Variants in EFEMP1 observed in about 807,000 individuals in gnomAD.
The protein encoded by EFEMP1 is EGF-like fibulin extracellular matrix protein 1.
In EFEMP1, 18 loss-of-function variants were observed where a neutral mutation model predicts 65.7. The observed-to-expected ratio is 0.27, with a 90% CI of 0.19 to 0.41. EFEMP1 has a LOEUF of 0.41. Ranked by LOEUF, EFEMP1 falls within the 10% of genes least tolerant of loss-of-function variation. The pLI is 1.00. For missense variants in EFEMP1, 469 were observed against 624.8 expected (o/e 0.75, Z 2.66); for synonymous variants, 237 against 219.7 (o/e 1.08, Z -0.70).
rs1668968058 is a variant in EFEMP1 at position 55,874,939 on chromosome 2, A to C, written c.1000+7T>G. 6.3e-7 allele frequency: 1 copy of C among 1,599,442 alleles called. No individual in the cohort carries two copies. The highest frequency in any genetic ancestry group is 1.7e-5 in the Admixed American group (1 of 59,416). On this transcript the variant is annotated splice_region_variant and intron_variant, in intron 9 of 11. Transcript: ENST00000355426. ...TACCTAACATATGAAAAAAAAAATA[A>C]ACTTACCTTGACATGTTCTACTTCT... is the stretch of plus-strand genomic sequence containing the variant.
intron 5 of EFEMP1, among the ~76,000 whole-genome samples, chr2:55,897,014 T>C (rs1208456696): frequency 1.3e-5 from 2 of 152,196 alleles, no homozygotes; most frequent in African/African-American, 4.8e-5. Flanking sequence ...GCCTGGAACA[T>C]TCTTTCTCCT....
intron 5 of EFEMP1, among the ~76,000 whole-genome samples, chr2:55,887,323 T>C (rs1322230551): frequency 6.6e-6 from 1 of 151,988 alleles, no homozygotes; most frequent in African/African-American, 2.4e-5. Flanking sequence ...GTGTTTTTAA[T>C]TTTTTTTAGC....
At chr2:55,892,831 C>T (rs1452801352) in intron 5 of EFEMP1, among the ~76,000 whole-genome samples, 2 of 151,916 alleles carry the variant, frequency 1.3e-5, no homozygotes, top group Non-Finnish European at 2.9e-5. Context: ...CATGAATAAA[C>T]GGATGAAAAA....
At chr2:55,876,494 A>G (rs951764732) in intron 8 of EFEMP1, 129 bp downstream of exon 8, 1 of 1,368,192 alleles carries the variant, frequency 7.3e-7, no homozygotes, top group African/African-American at 1.5e-5. Flanking sequence ...ACTGAACTAC[A>G]TTAACTGGAT....
In EFEMP1 at chr2:55,922,374, T is replaced by C; in HGVS notation, c.67A>G (p.Thr23Ala). 6.2e-7 allele frequency: 1 copy of C among 1,613,932 alleles called. No homozygotes were observed. Among genetic ancestry groups the C allele is most frequent in the Non-Finnish European group, 8.5e-7 (1 of 1,179,858 alleles). Residue 23 changes from threonine (T) to alanine (A), a missense_variant, in exon 3 of 12, where the codon ACC becomes GCC. This residue lies in a region of EFEMP1 where 66 missense variants were observed against 73.0 expected (regional missense o/e 0.90). Coordinates refer to ENST00000355426, the MANE Select transcript of EFEMP1 (RefSeq NM_001039348.3). The surrounding 1 kb of genome is among the most constrained non-coding windows in gnomAD (Gnocchi z 5.5). ...TCACCCCTTACCGTGTACGTGATGG[T>C]TTCTTCGGTGTCCTGTGACTTGACC... ...ALVKSQDTEE[T>A]ITYTQCTDGY...
At position 55,876,614 on chromosome 2, in the gene EFEMP1, G is replaced by C. The variant is rs769930393; in HGVS notation, c.880+9C>G. 23 of 1,611,824 alleles carry C rather than the reference G, an allele frequency of 1.4e-5. No homozygotes were observed. The highest frequency in any genetic ancestry group is 1.9e-5 in the Non-Finnish European group (22 of 1,178,556). ...GACTTTATTCCATACTATCTGGGAA[G>C]AGTTTTACCTTCACAGTTGAGCCTG... is the stretch of plus-strand genomic sequence containing the variant. On this transcript the variant is annotated intron_variant, in intron 8 of 11. Coordinates refer to ENST00000355426, the MANE Select transcript of EFEMP1 (RefSeq NM_001039348.3).
chr2:55,888,932 A>G (rs984676273), intron 5 of EFEMP1, among the ~76,000 whole-genome samples: 3 of 152,112 alleles, frequency 2.0e-5, no homozygotes, highest in Non-Finnish European at 2.9e-5. Flanking sequence ...GTTCCCGGCC[A>G]CTTGATCTCT....
chr2:55,900,286 A>G (rs927313757), intron 5 of EFEMP1, among the ~76,000 whole-genome samples: 1 of 152,172 alleles, frequency 6.6e-6, no homozygotes, highest in Non-Finnish European at 1.5e-5. Context: ...TTCACTGTAA[A>G]GGGAATCAGA....
At chr2:55,876,035 G>A (rs7563085) in intron 8 of EFEMP1, among the ~76,000 whole-genome samples, 19,131 of 151,720 alleles carry the variant, frequency 0.13, 1,598 homozygotes, top group African/African-American at 0.24. Flanking sequence ...ATTATATAAC[G>A]AAATGTGCAC....
rs1225173293 is a variant in EFEMP1 at position 55,873,054 on chromosome 2, C to G, written c.1000+1892G>C. 8.1e-6 allele frequency among the ~76,000 whole-genome samples: 1 copy of G among 123,854 alleles called. No individual in the cohort carries two copies. The highest frequency in any genetic ancestry group is 2.3e-4 in the East Asian group (1 of 4,296). The allele number at this position is 123,854 out of a possible 152,430, so 81.3% of individuals were successfully genotyped here. A position where few individuals can be genotyped will look rare whatever the true frequency, so the allele number is the denominator to read the frequency against. On this transcript the variant is annotated intron_variant, in intron 9 of 11. Coordinates refer to ENST00000355426, the MANE Select transcript of EFEMP1 (RefSeq NM_001039348.3). This position sits in a 1 kb window ranked among gnomAD's most constrained non-coding sequence, Gnocchi z 4.6. Reference sequence around the variant, plus strand: ...TGTGTATGTGTATTCTTTTGTCTCTCTGTCTCTCTCTCCACACACACACAC... The same window carrying G: ...TGTGTATGTGTATTCTTTTGTCTCTGTGTCTCTCTCTCCACACACACACAC...
At position 55,919,771 on chromosome 2, in the gene EFEMP1, AT is replaced by A. The variant is rs1220595310; in HGVS notation, c.82-1505del. ...TAAATTCACTTTGTCTCTCAGACTA[AT>A]TTTTTTCTTGTTTCCCAAACAGTGT... On this transcript the variant is annotated intron_variant, in intron 3 of 11. Transcript: ENST00000355426. This position sits in a 1 kb window ranked among gnomAD's most constrained non-coding sequence, Gnocchi z 4.5. Among the ~76,000 whole-genome samples, 1 of 152,098 alleles carries A rather than the reference AT, an allele frequency of 6.6e-6. No individual in the cohort carries two copies. The highest frequency in any genetic ancestry group is 1.9e-4 in the East Asian group (1 of 5,198).
At chr2:55,907,245 A>C (rs1009577413) in intron 5 of EFEMP1, among the ~76,000 whole-genome samples, 5 of 152,204 alleles carry the variant, frequency 3.3e-5, no homozygotes, top group Non-Finnish European at 7.3e-5. Context: ...ATGTGTGCAC[A>C]TGTTTGTACA....
In EFEMP1 at chr2:55,877,806, A is replaced by T; in HGVS notation, c.700T>A (p.Ser234Thr). The T allele has an allele frequency of 6.2e-7, 1 of 1,613,304 alleles. No homozygotes were observed. The highest frequency in any genetic ancestry group is 1.1e-5 in the South Asian group (1 of 91,070). Reference protein sequence around the residue: ...CHQRCVNTPGSFYCQCSPGFQ... With the variant: ...CHQRCVNTPGTFYCQCSPGFQ... Reference sequence around the variant, plus strand: ...CCAGGACTGCACTGGCAATAAAATGAGCCTGGTGTATTCACGCATCTTTGG... The same window carrying T: ...CCAGGACTGCACTGGCAATAAAATGTGCCTGGTGTATTCACGCATCTTTGG... Residue 234 changes from serine to threonine, a missense_variant, in exon 7 of 12, where the codon TCA becomes ACA. By Grantham distance (58) the Ser-to-Thr change is moderately conservative. Coordinates refer to ENST00000355426, the MANE Select transcript of EFEMP1 (RefSeq NM_001039348.3). The surrounding 1 kb of genome is among the most constrained non-coding windows in gnomAD (Gnocchi z 4.5).
intron 5 of EFEMP1, among the ~76,000 whole-genome samples, chr2:55,897,079 G>A (rs929124216): frequency 2.0e-5 from 3 of 152,152 alleles, no homozygotes; most frequent in African/African-American, 7.2e-5. Flanking sequence ...GAGGCCTGGT[G>A]TCACCTTCTC....
At chr2:55,916,063 A>T (rs1164206568) in intron 5 of EFEMP1, among the ~76,000 whole-genome samples, 1 of 152,130 alleles carries the variant, frequency 6.6e-6, no homozygotes, top group Non-Finnish European at 1.5e-5. Flanking sequence ...GCTTACAAAC[A>T]AAATATGAAA....
At position 55,885,545 on chromosome 2, in the gene EFEMP1, T is replaced by C. The variant is rs570284578; in HGVS notation, c.518-3811A>G. Reference sequence around the variant, plus strand: ...AAAATACCATAACACATTTCGTCATTCTAATACATTAACAATAGCTAATGG... The same window carrying C: ...AAAATACCATAACACATTTCGTCATCCTAATACATTAACAATAGCTAATGG... On this transcript the variant is annotated intron_variant, in intron 5 of 11. Coordinates refer to ENST00000355426, the MANE Select transcript of EFEMP1 (RefSeq NM_001039348.3). This position sits in a 1 kb window ranked among gnomAD's most constrained non-coding sequence, Gnocchi z 4.3. Among the ~76,000 whole-genome samples, 1 of 152,330 alleles carries C rather than the reference T, an allele frequency of 6.6e-6. No homozygotes were observed. Among genetic ancestry groups the C allele is most frequent in the East Asian group, 1.9e-4 (1 of 5,188 alleles).
intron 5 of EFEMP1, among the ~76,000 whole-genome samples, chr2:55,882,401 T>C (rs1414717281): frequency 6.6e-6 from 1 of 152,172 alleles, no homozygotes; most frequent in Admixed American, 6.5e-5. Flanking sequence ...TAAAAATCCA[T>C]ATTTTCTCAA....
At position 55,870,631 on chromosome 2, in the gene EFEMP1, ATG is replaced by A; in HGVS notation, c.1320+87_1320+88del. On this transcript the variant is annotated intron_variant, in intron 11 of 11. Transcript: ENST00000355426. The surrounding 1 kb of genome is among the most constrained non-coding windows in gnomAD (Gnocchi z 5.8). The stretch of plus-strand genomic sequence containing the variant: ...CTTTAAATGTTTGCTTTCCTTCCAC[ATG>A]TGGATACCACACAACAACAACAACA... 1 of 1,522,928 alleles carries A rather than the reference ATG, an allele frequency of 6.6e-7. No homozygotes were observed. Among genetic ancestry groups the A allele is most frequent in the African/African-American group, 1.4e-5 (1 of 72,668 alleles). The allele number at this position is 1,522,928 out of a possible 1,614,324, so 94.3% of individuals were successfully genotyped here. A position where few individuals can be genotyped will look rare whatever the true frequency, so the allele number is the denominator to read the frequency against.
intron 5 of EFEMP1, among the ~76,000 whole-genome samples, chr2:55,896,093 A>T (rs1395476501): frequency 6.6e-6 from 1 of 152,222 alleles, no homozygotes; most frequent in African/African-American, 2.4e-5. Flanking sequence ...TATAGCCTCA[A>T]CTTGTTGAAG....
Sources: gnomAD v4.1 joint callset for allele counts (sites outside exome capture counted in the v4.1 genomes callset) on GRCh38, gnomAD v4.1.1 for gene constraint, gnomAD v4.1.1 regional missense constraint, Gnocchi (gnomAD v3.1) non-coding constraint, MANE v1.5 for transcripts, NCBI Gene and HGNC (gene_info 2026-07-23, HGNC 2026-07-21) for gene names.